Variants in PLXNA4 observed in about 807,000 individuals in gnomAD.
PLXNA4 encodes plexin A4, also known as plexin-A4.
Under a neutral mutation model 191.8 loss-of-function variants are expected in PLXNA4, and 44 were observed. That is an observed-to-expected ratio of 0.23 (90% confidence interval 0.18 to 0.29). The LOEUF is 0.29. PLXNA4 is among the 10% of genes least tolerant of loss of function. The pLI, the probability that PLXNA4 is intolerant of heterozygous loss-of-function variation, is 1.00. For synonymous variants in PLXNA4, 1,082 were observed against 1,009.5 expected, an observed-to-expected ratio of 1.07 and a Z score of -1.36; for missense variants, 1,800 against 2,488.8, an observed-to-expected ratio of 0.72 and a Z score of 5.89.
chr7:132,461,871 T>TG (rs1322004383), intron 3 of PLXNA4, among the ~76,000 whole-genome samples: 1 of 152,174 alleles, frequency 6.6e-6, no homozygotes, highest in Non-Finnish European at 1.5e-5. Context: ...ATTCCCTTCA[T>TG]GGGGGAAAAA....
intron 3 of PLXNA4, among the ~76,000 whole-genome samples, chr7:132,441,611 T>A (rs1795702566): frequency 6.6e-6 from 1 of 152,262 alleles, no homozygotes; most frequent in Non-Finnish European, 1.5e-5. Context: ...TCAGTGTTTT[T>A]AGGTAGTAAT....
At position 132,507,618 on chromosome 7, in the gene PLXNA4, A is replaced by G. The variant is rs1248514927; in HGVS notation, c.1076T>C (p.Ile359Thr). 3 of 1,614,060 alleles carry G rather than the reference A, an allele frequency of 1.9e-6. No homozygotes were observed. Among genetic ancestry groups the G allele is most frequent in the African/African-American group, 2.7e-5 (2 of 74,922 alleles). The change falls in exon 2 of 32, where the codon ATC becomes ACC. Residue 359 changes from isoleucine to threonine, a missense_variant. Ile to Thr is a moderately conservative substitution (Grantham distance 89, BLOSUM62 -1). Around this residue, in one of 6 missense-constraint regions of PLXNA4, gnomAD observed 1,397 missense variants for 1,880.4 expected, o/e 0.74. Transcript: ENST00000321063. ...AATGCGGTCATTTATCTGCTTCAAG[A>G]TGAAGATGCACAGGGCCGACTCATC... is the stretch of plus-strand genomic sequence containing the variant. ...SLDESALCIF[I>T]LKQINDRIKE...
At chr7:132,522,323 C>T (rs1799222242) in intron 1 of PLXNA4, among the ~76,000 whole-genome samples, 1 of 152,226 alleles carries the variant, frequency 6.6e-6, no homozygotes, top group Non-Finnish European at 1.5e-5. Context: ...CCACTCATGG[C>T]TCCAAACATA....
chr7:132,265,760 T>C (rs1003049506), intron 4 of PLXNA4, among the ~76,000 whole-genome samples: 3 of 152,146 alleles, frequency 2.0e-5, no homozygotes, highest in African/African-American at 2.4e-5. Flanking sequence ...CCGTGCACTA[T>C]GACCCTGCCA....
chr7:132,260,871 C>T (rs773413786), intron 4 of PLXNA4, among the ~76,000 whole-genome samples: 33 of 152,128 alleles, frequency 2.2e-4, no homozygotes, highest in Non-Finnish European at 2.9e-4. Context: ...CTACCAAAGA[C>T]TGTGGACTCT....
intron 3 of PLXNA4, among the ~76,000 whole-genome samples, chr7:132,337,304 T>C (rs1230119924): frequency 1.1e-4 from 17 of 152,214 alleles, no homozygotes; most frequent in Admixed American, 9.8e-4. Flanking sequence ...CACATGCACA[T>C]GCATGTTCAT....
chr7:132,195,189 A>T (rs1005303762), intron 13 of PLXNA4, among the ~76,000 whole-genome samples: 3 of 152,168 alleles, frequency 2.0e-5, no homozygotes, highest in South Asian at 2.1e-4. Context: ...GTGTTTTTTT[A>T]AAATAAAAGC....
intron 30 of PLXNA4, among the ~76,000 whole-genome samples, chr7:132,139,574 G>T (rs1180377014): frequency 6.6e-6 from 1 of 152,206 alleles, no homozygotes; most frequent in South Asian, 2.1e-4. Context: ...TGAGCTGGGG[G>T]TGACAAAGCC....
chr7:132,127,522 G>GTCTT lies in PLXNA4; in HGVS notation c.*2953_*2956dup, dbSNP rs1189492205. The GTCTT allele has an allele frequency of 6.6e-6, 1 of 152,206 alleles. No individual in the cohort carries two copies. The highest frequency in any genetic ancestry group is 6.5e-5 in the Admixed American group (1 of 15,276). The allele number at this position is 152,206 out of a possible 1,614,324, so 9.4% of individuals were successfully genotyped here. On this transcript the variant is annotated 3_prime_UTR_variant, in exon 32 of 32. Coordinates refer to ENST00000321063, the MANE Select transcript of PLXNA4 (RefSeq NM_020911.2). Reference sequence around the variant, plus strand: ...GGACAGCTTTTTGACAATGTTGCTTGTCTTTGCTTTTAAATACCATATCAC... The same window carrying GTCTT: ...GGACAGCTTTTTGACAATGTTGCTTGTCTTTCTTTGCTTTTAAATACCATATCAC...
Position 132,168,579 on chromosome 7 carries a change from A to G in PLXNA4, c.4018-7T>C, listed in dbSNP as rs947118707. The G allele has an allele frequency of 6.4e-7, 1 of 1,570,962 alleles. No individual in the cohort carries two copies. The highest frequency in any genetic ancestry group is 1.2e-5 in the South Asian group (1 of 82,458). On this transcript the variant is annotated splice_polypyrimidine_tract_variant and splice_region_variant and intron_variant, in intron 21 of 31. Coordinates refer to ENST00000321063, the MANE Select transcript of PLXNA4 (RefSeq NM_020911.2). ...CCTGCCGGTAGCCCGGGACCTGCAG[A>G]GAGACCTAGGAGTCGTGATGCCATT...
intron 5 of PLXNA4, among the ~76,000 whole-genome samples, chr7:132,232,668 C>T (rs893801357): frequency 6.6e-6 from 1 of 152,142 alleles, no homozygotes; most frequent in Non-Finnish European, 1.5e-5. Flanking sequence ...GAAGCAGCTA[C>T]CTCCGCCCTC....
chr7:132,124,176 T>C lies in PLXNA4; in HGVS notation c.*6303A>G, dbSNP rs144973917. 2.6e-5 allele frequency: 4 copies of C among 152,338 alleles called. No homozygotes were observed. Among genetic ancestry groups the C allele is most frequent in the Non-Finnish European group, 5.9e-5 (4 of 68,030 alleles). 9.4% of individuals were successfully genotyped at this position (152,338 alleles called of 1,614,324 possible). A position where few individuals can be genotyped will look rare whatever the true frequency, so the allele number is the denominator to read the frequency against. ...GTAGGGAGTGGTGAGGGGAGGGCTG[T>C]CCATTCTAAAACACAAAATCGTTGG... On this transcript the variant is annotated 3_prime_UTR_variant, in exon 32 of 32. Transcript: ENST00000321063.
intron 2 of PLXNA4, among the ~76,000 whole-genome samples, chr7:132,602,728 G>T (rs1802843010): frequency 6.6e-6 from 1 of 152,174 alleles, no homozygotes; most frequent in African/African-American, 2.4e-5. Flanking sequence ...GAGAGTACAA[G>T]AGGGATCAGA....
chr7:132,140,882 C>A, intron 29 of PLXNA4, 71 bp from the exon 30 acceptor site: 1 of 1,576,062 alleles, frequency 6.3e-7, no homozygotes, highest in Non-Finnish European at 8.6e-7. Context: ...TAGGAGGGGT[C>A]TCTGGAGAAG....
chr7:132,210,027 A>T (rs1214118544), intron 10 of PLXNA4, among the ~76,000 whole-genome samples: 1 of 152,222 alleles, frequency 6.6e-6, no homozygotes, highest in Non-Finnish European at 1.5e-5. Context: ...TTTGGTCTTA[A>T]AGAAGGTCTC....
intron 3 of PLXNA4, among the ~76,000 whole-genome samples, chr7:132,456,636 C>T (rs1418716396): frequency 6.6e-6 from 1 of 151,816 alleles, no homozygotes; most frequent in Non-Finnish European, 1.5e-5. Flanking sequence ...TGCGAACCGG[C>T]AGCCACTGGG....
At chr7:132,250,551 A>G (rs1414736330) in intron 4 of PLXNA4, among the ~76,000 whole-genome samples, 1 of 152,140 alleles carries the variant, frequency 6.6e-6, no homozygotes, top group Admixed American at 6.5e-5. Context: ...TCATGCTCAC[A>G]TTCACACACA....
At chr7:132,324,696 G>C (rs886432537) in intron 3 of PLXNA4, among the ~76,000 whole-genome samples, 1 of 152,164 alleles carries the variant, frequency 6.6e-6, no homozygotes, top group African/African-American at 2.4e-5. Context: ...AGCCCCTTCA[G>C]GTAAGTTTAA....
rs116283605 is a variant in PLXNA4 at position 132,145,760 on chromosome 7, C to G, written c.5056-472G>C. ...CTAGCACTGCAGGCAAGCAACGTCC[C>G]CAGAACCAGGATTAGAAATGGTGCC... On this transcript the variant is annotated intron_variant, in intron 28 of 31. Transcript: ENST00000321063. 5.1e-3 allele frequency among the ~76,000 whole-genome samples: 780 copies of G among 151,928 alleles called. 5 individuals are homozygous for G. The highest frequency in any genetic ancestry group is 0.018 in the African/African-American group (729 of 41,436).
Sources: allele counts gnomAD v4.1 joint callset (sites outside exome capture counted in the v4.1 genomes callset), GRCh38; gene constraint gnomAD v4.1.1; regional missense constraint gnomAD v4.1.1; transcripts MANE v1.5; gene names NCBI Gene and HGNC (gene_info 2026-07-23, HGNC 2026-07-21).